The following BACH2 variants were observed in gnomAD, a reference collection of about 807,000 sequenced individuals.
The protein encoded by BACH2 is BACH transcriptional regulator 2, also known as transcription regulator protein BACH2.
A neutral mutation model predicts 61.8 loss-of-function variants in BACH2; 5 were observed. The observed-to-expected ratio is 0.08, with a 90% CI of 0.04 to 0.17. BACH2 has a LOEUF of 0.17. BACH2 is among the 10% of genes least tolerant of loss of function. BACH2 has a pLI of 1.00. For missense variants in BACH2, 824 were observed against 1,091.1 expected (o/e 0.76, Z 3.45); for synonymous variants, 446 against 440.1 (o/e 1.01, Z -0.17).
intron 7 of BACH2, among the ~76,000 whole-genome samples, chr6:89,939,461 G>A (rs1773260884): frequency 6.6e-6 from 1 of 152,102 alleles, no homozygotes; most frequent in African/African-American, 2.4e-5. Context: ...ATTGTTTTAG[G>A]TCATTAAGTT....
intron 4 of BACH2, among the ~76,000 whole-genome samples, chr6:90,103,029 A>ATTTTTTTTTTTTT (rs371386234): frequency 2.8e-4 from 6 of 21,160 alleles, no homozygotes; most frequent in Non-Finnish European, 4.0e-4. Context: ...ATATATATAT[A>ATTTTTTTTTTTTT]TTTTTTTTTT....
chr6:89,932,921 G>A, intron 8 of BACH2, 31 bp from the exon 9 acceptor site: 1 of 1,538,144 alleles, frequency 6.5e-7, no homozygotes, highest in Non-Finnish European at 8.8e-7. Context: ...GAGAAGGGTT[G>A]ATCAAGCCTG....
At chr6:89,937,078 C>T (rs913997064) in intron 8 of BACH2, among the ~76,000 whole-genome samples, 11 of 151,706 alleles carry the variant, frequency 7.3e-5, no homozygotes, top group African/African-American at 1.7e-4. Context: ...GGAGAAGGGG[C>T]GGGGGCACAT....
At chr6:90,288,634 A>G (rs1399927479) in intron 1 of BACH2, among the ~76,000 whole-genome samples, 1 of 152,126 alleles carries the variant, frequency 6.6e-6, no homozygotes, top group Non-Finnish European at 1.5e-5. Context: ...AAACCATTCA[A>G]ATCTCCAGCT....
intron 4 of BACH2, among the ~76,000 whole-genome samples, chr6:90,178,022 T>C (rs1463590569): frequency 2.6e-5 from 4 of 152,164 alleles, no homozygotes; most frequent in African/African-American, 9.7e-5. Flanking sequence ...CCAAGTGCTG[T>C]AGACCAAAAT....
Position 89,951,611 on chromosome 6 carries a change from ATCC to A in BACH2, c.492_494del (p.Glu164del), listed in dbSNP as rs754304276. Reference sequence around the variant, plus strand: ...CTGAATCCATCGTCTCCTCCTCTTCATCCTCCTCCTCTCCTGCAGAGTTCTCGC... The same window carrying A: ...CTGAATCCATCGTCTCCTCCTCTTCATCCTCCTCTCCTGCAGAGTTCTCGC... On this transcript the variant is annotated inframe_deletion, in exon 7 of 9. Coordinates refer to ENST00000257749, the MANE Select transcript of BACH2 (RefSeq NM_021813.4). The surrounding 1 kb of genome is among the most constrained non-coding windows in gnomAD (Gnocchi z 6.4). 6 of 1,613,948 alleles carry A rather than the reference ATCC, an allele frequency of 3.7e-6. No homozygotes were observed. Among genetic ancestry groups the A allele is most frequent in the Non-Finnish European group, 5.1e-6 (6 of 1,179,994 alleles).
chr6:90,147,745 T>G (rs1784673401), intron 4 of BACH2, among the ~76,000 whole-genome samples: 1 of 152,160 alleles, frequency 6.6e-6, no homozygotes, highest in Non-Finnish European at 1.5e-5. Flanking sequence ...ATTGAAAAAA[T>G]AAAGTTATCT....
chr6:90,269,667 C>T (rs796629711), intron 2 of BACH2, among the ~76,000 whole-genome samples: 4 of 152,040 alleles, frequency 2.6e-5, no homozygotes, highest in African/African-American at 9.7e-5. Context: ...ATTTTCATAT[C>T]GGTTGGACTT....
chr6:90,139,016 A>C (rs569667396), intron 4 of BACH2, among the ~76,000 whole-genome samples: 1 of 152,196 alleles, frequency 6.6e-6, no homozygotes, highest in East Asian at 1.9e-4. Context: ...CCGCCTCATC[A>C]TCTTCCCGTA....
intron 4 of BACH2, among the ~76,000 whole-genome samples, chr6:90,150,195 G>C (rs915519845): frequency 2.0e-5 from 3 of 152,026 alleles, no homozygotes; most frequent in Non-Finnish European, 4.4e-5. Context: ...TCATGCCCGT[G>C]CCAGTGTTTA....
At chr6:89,995,373 G>A (rs1040663948) in intron 6 of BACH2, among the ~76,000 whole-genome samples, 1 of 151,926 alleles carries the variant, frequency 6.6e-6, no homozygotes, top group Non-Finnish European at 1.5e-5. Context: ...AAATCATACC[G>A]ACTACGCCAG....
chr6:89,948,099 T>C (rs745874575), intron 7 of BACH2, among the ~76,000 whole-genome samples: 30 of 152,248 alleles, frequency 2.0e-4, no homozygotes, highest in African/African-American at 5.8e-4. Context: ...TTTTGGGATA[T>C]TGGCGGCGAG....
Position 89,931,960 on chromosome 6 carries a change from T to A in BACH2, c.*448A>T, listed in dbSNP as rs373654975. On this transcript the variant is annotated 3_prime_UTR_variant, in exon 9 of 9. Transcript: ENST00000257749. ...ATATATATATATATATATATATATT[T>A]TATATATATATTATATATAATATGT... 2.7e-3 allele frequency: 393 copies of A among 143,212 alleles called. 6 individuals carry two copies. The highest frequency in any genetic ancestry group is 0.02 in the Admixed American group (290 of 14,226). The allele number at this position is 143,212 out of a possible 1,614,324, so 8.9% of individuals were successfully genotyped here. A position where few individuals can be genotyped will look rare whatever the true frequency, so the allele number is the denominator to read the frequency against.
intron 4 of BACH2, among the ~76,000 whole-genome samples, chr6:90,106,956 G>A: frequency 6.6e-6 from 1 of 152,220 alleles, no homozygotes; most frequent in Non-Finnish European, 1.5e-5. Flanking sequence ...CTTCTCGCTG[G>A]ATAGTTGTTT....
Position 89,951,662 on chromosome 6 carries a change from C to T in BACH2, c.444G>A (p.Ala148=), listed in dbSNP as rs148155014. ...CGCAGTCCTCGTGTGGGCGCTGGCA[C>T]GCAGCATCCTTCCGGCACACAAACA... ...DGLFVCRKDA[A]CQRPHEDCEN... is the part of the protein sequence containing the mutation. The change falls in exon 7 of 9, where the codon GCG becomes GCA. Residue 148 remains alanine (A), a synonymous_variant. Transcript: ENST00000257749. This position sits in a 1 kb window ranked among gnomAD's most constrained non-coding sequence, Gnocchi z 6.4. 140 of 1,614,228 alleles carry T rather than the reference C, an allele frequency of 8.7e-5. No individual in the cohort carries two copies. The East Asian group carries it at 1.5e-3, about 17-fold the overall frequency.
intron 4 of BACH2, chr6:90,116,915 C>A (rs547488357): frequency 1.8e-5 from 9 of 501,276 alleles, no homozygotes; most frequent in Admixed American, 3.2e-5. Flanking sequence ...TTTCTCTGAC[C>A]ATTCCCTATG....
intron 3 of BACH2, among the ~76,000 whole-genome samples, chr6:90,251,751 T>C (rs989646162): frequency 6.6e-6 from 1 of 152,124 alleles, no homozygotes; most frequent in Non-Finnish European, 1.5e-5. Flanking sequence ...AGTAAAAGCT[T>C]CTAATAGGAG....
chr6:90,095,762 T>C (rs1782357164), intron 4 of BACH2, among the ~76,000 whole-genome samples: 1 of 131,314 alleles, frequency 7.6e-6, no homozygotes, highest in Admixed American at 7.2e-5. Flanking sequence ...ACCATCACCA[T>C]CATCATCATC....
intron 5 of BACH2, among the ~76,000 whole-genome samples, chr6:90,081,146 A>T (rs1401101728): frequency 2.6e-5 from 4 of 152,174 alleles, no homozygotes; most frequent in Admixed American, 2.6e-4. Context: ...TCAACTACAA[A>T]GCCAACAAAC....
Sources: gnomAD v4.1 joint callset for allele counts (sites outside exome capture counted in the v4.1 genomes callset) on GRCh38, gnomAD v4.1.1 for gene constraint, Gnocchi (gnomAD v3.1) non-coding constraint, MANE v1.5 for transcripts, NCBI Gene and HGNC (gene_info 2026-07-23, HGNC 2026-07-21) for gene names.